Variants in OSBPL10 observed in about 807,000 individuals in gnomAD.
OSBPL10 encodes the protein oxysterol-binding protein-related protein 10.
Under a neutral mutation model 81.7 loss-of-function variants are expected in OSBPL10, and 49 were observed. That is an observed-to-expected ratio of 0.60 (90% CI 0.48 to 0.76). The LOEUF is 0.76. Among genes scored for constraint, OSBPL10 ranks in the 30% least tolerant of loss-of-function variants. The pLI, the probability that OSBPL10 is intolerant of heterozygous loss-of-function variation, is 0.00. For missense variants in OSBPL10, 923 were observed against 987.8 expected, an observed-to-expected ratio of 0.93 and a Z score of 0.88; for synonymous variants, 419 against 383.6, an observed-to-expected ratio of 1.09 and a Z score of -1.08.
intron 2 of OSBPL10, chr3:31,989,580 C>T: frequency 6.2e-7 from 1 of 1,614,222 alleles, no homozygotes; most frequent in African/African-American, 1.3e-5. Context: ...CTGAACTCCA[C>T]ATATTTCAGA....
intron 3 of OSBPL10, among the ~76,000 whole-genome samples, chr3:31,845,202 T>A (rs1700599622): frequency 6.6e-6 from 1 of 152,182 alleles, no homozygotes. Context: ...TCTAACACTT[T>A]CTGCCTGCCT....
At position 31,670,988 on chromosome 3, in the gene OSBPL10, A is replaced by C. The variant is rs777961722; in HGVS notation, c.1727-5T>G. The C allele has an allele frequency of 5.0e-6, 8 of 1,604,234 alleles. No homozygotes were observed. Among genetic ancestry groups the C allele is most frequent in the Non-Finnish European group, 6.8e-6 (8 of 1,174,468 alleles). ...GTTCCAGGAGCCTCAACACACCTCC[A>C]GGGAGAGAGGAGGGAGAGTTAGGCA... On this transcript the variant is annotated splice_polypyrimidine_tract_variant and splice_region_variant and intron_variant, in intron 8 of 11. Coordinates refer to ENST00000396556, the MANE Select transcript of OSBPL10 (RefSeq NM_017784.5).
rs563286078 is a variant in OSBPL10 at position 31,764,418 on chromosome 3, C to T, written c.730-16298G>A. Among the ~76,000 whole-genome samples, 7 of 151,272 alleles carry T rather than the reference C, an allele frequency of 4.6e-5. No homozygotes were observed. The East Asian group carries it at 5.8e-4, about 13-fold the overall frequency. On this transcript the variant is annotated intron_variant, in intron 4 of 11. Transcript: ENST00000396556. ...GGGTGGATAAATGGAGGAGAGGGGA[C>T]GGGAGAGAAGAAATGGGAAGACAGG...
intron 1 of OSBPL10, among the ~76,000 whole-genome samples, chr3:32,054,158 G>A (rs80024178): frequency 0.018 from 2,798 of 152,190 alleles, 78 homozygotes; most frequent in East Asian, 0.089. Flanking sequence ...ATGACTTATG[G>A]TAACCTGGGA....
intron 4 of OSBPL10, among the ~76,000 whole-genome samples, chr3:31,771,032 A>G (rs1309512824): frequency 6.6e-6 from 1 of 152,146 alleles, no homozygotes; most frequent in Non-Finnish European, 1.5e-5. Flanking sequence ...TACCTGTAAA[A>G]TGGGGCTCAC....
chr3:31,931,409 G>C lies in OSBPL10; in HGVS notation c.281+49490C>G, dbSNP rs551383889. 3.3e-5 allele frequency among the ~76,000 whole-genome samples: 5 copies of C among 152,068 alleles called. No homozygotes were observed. The South Asian group carries it at 8.3e-4, about 25-fold the overall frequency. On this transcript the variant is annotated intron_variant, in intron 1 of 11. Transcript: ENST00000396556. ...CTCCAAGTCCTTAGACAATTATCAA[G>C]GGTCCCCTAGCTGGTCTCCATACTC... is the stretch of plus-strand genomic sequence containing the variant.
chr3:31,703,847 T>C (rs539073808), intron 6 of OSBPL10: 1 of 152,362 alleles, frequency 6.6e-6, no homozygotes, highest in East Asian at 1.9e-4. Flanking sequence ...TCTTTTATTA[T>C]GTGCCCAGTT....
rs139350696 is a variant in OSBPL10, at chr3:31,943,795, G to A, written c.281+37104C>T. ...AGCCTGGCCAATAGGGTGAAACCCC[G>A]TCTCTACTAAAAATACAAAAAAACT... On this transcript the variant is annotated intron_variant, in intron 1 of 11. Transcript: ENST00000396556. Among the ~76,000 whole-genome samples the A allele has an allele frequency of 4.5e-4, 68 of 151,556 alleles. No individual in the cohort carries two copies. In the East Asian group the frequency reaches 0.011, roughly 24 times the overall value.
intron 2 of OSBPL10, among the ~76,000 whole-genome samples, chr3:32,030,948 C>T (rs568973315): frequency 4.5e-4 from 69 of 151,980 alleles, no homozygotes; most frequent in African/African-American, 1.6e-3. Context: ...GGTGGATCAC[C>T]TGAGGTCAGG....
chr3:31,869,508 G>C (rs1701267624), intron 3 of OSBPL10, among the ~76,000 whole-genome samples: 3 of 152,146 alleles, frequency 2.0e-5, no homozygotes. Flanking sequence ...TGTAGAATCA[G>C]AATCAATTTA....
At chr3:32,005,091 G>C (rs561366982) in intron 2 of OSBPL10, among the ~76,000 whole-genome samples, 2 of 151,964 alleles carry the variant, frequency 1.3e-5, no homozygotes, top group Non-Finnish European at 2.9e-5. Context: ...TTAAGTTCTG[G>C]TGTACATGTG....
At chr3:31,698,973 C>T (rs1695810677) in intron 7 of OSBPL10, among the ~76,000 whole-genome samples, 1 of 152,192 alleles carries the variant, frequency 6.6e-6, no homozygotes, top group Non-Finnish European at 1.5e-5. Flanking sequence ...CCCATCAGGG[C>T]ATGGATTCTC....
At chr3:32,051,124 G>A (rs894947645) in intron 1 of OSBPL10, among the ~76,000 whole-genome samples, 4 of 151,896 alleles carry the variant, frequency 2.6e-5, no homozygotes, top group African/African-American at 9.7e-5. Context: ...TGAATGGTTT[G>A]TCTCTATTTT....
At chr3:31,930,854 A>C (rs1575041769) in intron 1 of OSBPL10, among the ~76,000 whole-genome samples, 1 of 151,702 alleles carries the variant, frequency 6.6e-6, no homozygotes, top group East Asian at 1.9e-4. Context: ...CTCTACTAAA[A>C]ATACAAAAAA....
intron 4 of OSBPL10, among the ~76,000 whole-genome samples, chr3:31,759,918 C>T (rs558964433): frequency 5.2e-4 from 79 of 152,182 alleles, no homozygotes; most frequent in Non-Finnish European, 9.0e-4. Flanking sequence ...CACCACAACA[C>T]CTGGCTAATT....
At chr3:31,851,813 T>A (rs771908641) in intron 3 of OSBPL10, among the ~76,000 whole-genome samples, 7 of 152,182 alleles carry the variant, frequency 4.6e-5, no homozygotes, top group Non-Finnish European at 8.8e-5. Flanking sequence ...CGGTGATCCC[T>A]GGAACCAGGC....
chr3:32,025,881 G>A (rs1397002726), intron 2 of OSBPL10, among the ~76,000 whole-genome samples: 1 of 152,042 alleles, frequency 6.6e-6, no homozygotes, highest in Non-Finnish European at 1.5e-5. Flanking sequence ...GCTTTCTTGA[G>A]TATCCGCTGC....
At chr3:31,904,013 G>A (rs1239581753) in intron 1 of OSBPL10, among the ~76,000 whole-genome samples, 2 of 152,098 alleles carry the variant, frequency 1.3e-5, no homozygotes, top group African/African-American at 4.8e-5. Context: ...AGGGGAAGGA[G>A]AGAAGATGAA....
intron 6 of OSBPL10, chr3:31,710,608 C>T (rs963563766): frequency 7.2e-5 from 11 of 152,224 alleles, no homozygotes; most frequent in African/African-American, 2.7e-4. Context: ...AATGTGTGAA[C>T]TAAGCAAGAC....
Sources: gnomAD v4.1 joint callset for allele counts (sites outside exome capture counted in the v4.1 genomes callset) on GRCh38, gnomAD v4.1.1 for gene constraint, MANE v1.5 for transcripts, NCBI Gene and HGNC (gene_info 2026-07-23, HGNC 2026-07-21) for gene names.